Variants in ZNF140 observed in about 807,000 individuals in gnomAD.
ZNF140 encodes the protein zinc finger protein 140.
A neutral mutation model predicts 12.9 loss-of-function variants in ZNF140; 13 were observed. The ratio of observed to expected loss-of-function variants is 1.01; its 90% confidence interval spans 0.66 to 1.60. ZNF140 has a LOEUF of 1.60. Among genes scored for constraint, ZNF140 ranks in the 40% most tolerant of loss-of-function variants. The probability of loss-of-function intolerance (pLI) is 0.00; values close to 1 mark genes in which losing one functional copy is unlikely to be tolerated. For missense variants in ZNF140, 531 were observed against 548.8 expected (o/e 0.97, Z 0.32); for synonymous variants, 214 against 186.7 (o/e 1.15, Z -1.19).
chr12:133,091,168 A>C (rs1346093329), intron 4 of ZNF140, among the ~76,000 whole-genome samples: 2 of 150,170 alleles, frequency 1.3e-5, no homozygotes, highest in African/African-American at 4.9e-5. Context: ...GCCATATTTC[A>C]GACTCTCACA....
At chr12:133,098,277 C>A (rs924215496) in intron 4 of ZNF140, among the ~76,000 whole-genome samples, 4 of 152,160 alleles carry the variant, frequency 2.6e-5, no homozygotes, top group Non-Finnish European at 5.9e-5. Flanking sequence ...TGTTCTGTCA[C>A]CCAGGCTGGA....
At chr12:133,097,178 T>G (rs1313679472) in intron 4 of ZNF140, among the ~76,000 whole-genome samples, 1 of 152,238 alleles carries the variant, frequency 6.6e-6, no homozygotes, top group Non-Finnish European at 1.5e-5. Context: ...TTTCTTTTGA[T>G]AAGTGTTAGT....
intron 4 of ZNF140, among the ~76,000 whole-genome samples, chr12:133,083,810 A>G (rs892693595): frequency 5.9e-5 from 9 of 152,004 alleles, no homozygotes; most frequent in Admixed American, 5.9e-4. Flanking sequence ...ATACAAAAAA[A>G]TTTGCCGGGC....
chr12:133,093,131 T>A (rs1954949106), intron 4 of ZNF140, among the ~76,000 whole-genome samples: 1 of 151,266 alleles, frequency 6.6e-6, no homozygotes, highest in Admixed American at 6.6e-5. Flanking sequence ...AGGAGGATAA[T>A]GATACCCAAT....
chr12:133,106,511 C>T lies in ZNF140; in HGVS notation c.1234C>T (p.Pro412Ser), dbSNP rs535199777. ...TCAGAGAACTCATACTGGAGAGAAACCCTATGTATGTAAGGTATGCAACAA... is the reference window on the plus strand; with the variant it reads ...TCAGAGAACTCATACTGGAGAGAAATCCTATGTATGTAAGGTATGCAACAA... ...LHQRTHTGEKPYVCKVCNKSF... is the reference protein window; with the variant it reads ...LHQRTHTGEKSYVCKVCNKSF... The change falls in exon 5 of 5, where the codon CCC (proline) becomes TCC (serine). Residue 412 changes from proline (P) to serine (S), a missense_variant. Coordinates refer to ENST00000355557, the MANE Select transcript of ZNF140 (RefSeq NM_003440.4). The T allele has an allele frequency of 1.9e-6, 3 of 1,614,072 alleles. No homozygotes were observed. Among genetic ancestry groups the T allele is most frequent in the South Asian group, 1.1e-5 (1 of 91,084 alleles).
At chr12:133,101,276 T>C (rs1593796933) in intron 4 of ZNF140, among the ~76,000 whole-genome samples, 1 of 152,322 alleles carries the variant, frequency 6.6e-6, no homozygotes, top group East Asian at 1.9e-4. Context: ...CCTTCTTTTT[T>C]AGTATTTCTG....
In ZNF140 at chr12:133,106,687, A is replaced by AT. The variant is rs773874866; in HGVS notation, c.*42dup. 7 of 1,501,160 alleles carry AT rather than the reference A, an allele frequency of 4.7e-6. No homozygotes were observed. The highest frequency in any genetic ancestry group is 2.3e-5 in the East Asian group (1 of 44,274). The allele number at this position is 1,501,160 out of a possible 1,614,324, so 93.0% of individuals were successfully genotyped here. A position where few individuals can be genotyped will look rare whatever the true frequency, so the allele number is the denominator to read the frequency against. On this transcript the variant is annotated 3_prime_UTR_variant, in exon 5 of 5. Transcript: ENST00000355557. ...CAAAGAAAAACTATGAATGTATGGA[A>AT]TTTTTTAAAAAGAAGTATAATGCCT...
intron 3 of ZNF140, 96 bp from the exon 4 acceptor site, chr12:133,083,370 T>C: frequency 6.6e-7 from 1 of 1,509,354 alleles, no homozygotes; most frequent in Non-Finnish European, 8.9e-7. Context: ...GCACCTTATT[T>C]TTAGACATTT....
At chr12:133,086,746 A>G (rs1005257561) in intron 4 of ZNF140, among the ~76,000 whole-genome samples, 39 of 152,124 alleles carry the variant, frequency 2.6e-4, no homozygotes, top group Admixed American at 4.6e-4. Flanking sequence ...ACATCTTCCT[A>G]TATTTTCTTT....
At position 133,084,651 on chromosome 12, in the gene ZNF140, G is replaced by A. The variant is rs1954615321; in HGVS notation, c.232+1090G>A. 2.0e-5 allele frequency among the ~76,000 whole-genome samples: 3 copies of A among 152,342 alleles called. No homozygotes were observed. In the South Asian group the frequency reaches 6.2e-4, roughly 32 times the overall value. On this transcript the variant is annotated intron_variant, in intron 4 of 4. Transcript: ENST00000355557. ...TTCTGTAAGTTCTGTAAATTCTATA[G>A]TTGCTTCTATAGCACATGTTTAATG...
intron 1 of ZNF140, 49 bp from the exon 2 acceptor site, chr12:133,081,224 C>A: frequency 2.1e-6 from 2 of 934,102 alleles, no homozygotes; most frequent in South Asian, 1.4e-5. Context: ...GTGACTTGGG[C>A]GCGGCCTAGC....
Position 133,090,790 on chromosome 12 carries a change from A to C in ZNF140, c.232+7229A>C, listed in dbSNP as rs1000535529. On this transcript the variant is annotated intron_variant, in intron 4 of 4. Transcript: ENST00000355557. ...TGATAATAAGGAGAAGGTCAGCAAA[A>C]AACATGTGAGCAAAAGAATCTATAT... Among the ~76,000 whole-genome samples the C allele has an allele frequency of 2.9e-3, 413 of 140,010 alleles. 7 individuals are homozygous for C. Among genetic ancestry groups the C allele is most frequent in the African/African-American group, 0.01 (387 of 37,942 alleles). 91.9% of individuals were successfully genotyped at this position (140,010 alleles called of 152,430 possible). A position where few individuals can be genotyped will look rare whatever the true frequency, so the allele number is the denominator to read the frequency against.
At chr12:133,105,105 T>C (rs1262007155) in intron 4 of ZNF140, among the ~76,000 whole-genome samples, 1 of 152,226 alleles carries the variant, frequency 6.6e-6, no homozygotes, top group African/African-American at 2.4e-5. Context: ...CCAGAGGCAC[T>C]AAGTGAACAG....
intron 4 of ZNF140, among the ~76,000 whole-genome samples, chr12:133,105,133 CA>C (rs2137587830): frequency 6.6e-6 from 1 of 152,196 alleles, no homozygotes; most frequent in African/African-American, 2.4e-5. Context: ...TGTCTTTGTG[CA>C]ATCTGACGAA....
chr12:133,094,454 G>T (rs1158716554), intron 4 of ZNF140, among the ~76,000 whole-genome samples: 1 of 151,140 alleles, frequency 6.6e-6, no homozygotes, highest in African/African-American at 2.5e-5. Context: ...GCCCAGGTTG[G>T]AGAGGCCCCA....
chr12:133,100,991 CTGAAG>C (rs1365101755), intron 4 of ZNF140: 4 of 454,930 alleles, frequency 8.8e-6, no homozygotes, highest in Non-Finnish European at 1.8e-5. Context: ...ACAAAGGTAA[CTGAAG>C]TGGTGAAAAA....
rs1315282724 is a variant in ZNF140 at position 133,090,853 on chromosome 12, T to G, written c.232+7292T>G. ...TAAGGGAAGGTACTATGCCTAGATG[T>G]GCATGTAATCCAGATTTATGTTTCT... On this transcript the variant is annotated intron_variant, in intron 4 of 4. Coordinates refer to ENST00000355557, the MANE Select transcript of ZNF140 (RefSeq NM_003440.4). Among the ~76,000 whole-genome samples, 39 of 130,022 alleles carry G rather than the reference T, an allele frequency of 3.0e-4. 2 individuals are homozygous for G. Among genetic ancestry groups the G allele is most frequent in the Admixed American group, 6.3e-4 (8 of 12,718 alleles). The allele number at this position is 130,022 out of a possible 152,430, so 85.3% of individuals were successfully genotyped here. A position where few individuals can be genotyped will look rare whatever the true frequency, so the allele number is the denominator to read the frequency against.
rs1000504499 is a variant in ZNF140, at chr12:133,090,819, A to G, written c.232+7258A>G. On this transcript the variant is annotated intron_variant, in intron 4 of 4. Coordinates refer to ENST00000355557, the MANE Select transcript of ZNF140 (RefSeq NM_003440.4). ...ATGTGAGCAAAAGAATCTATATCAT[A>G]ATTAGGTTTAAGGGAAGGTACTATG... Among the ~76,000 whole-genome samples, 222 of 130,214 alleles carry G rather than the reference A, an allele frequency of 1.7e-3. 6 individuals carry two copies. Among genetic ancestry groups the G allele is most frequent in the Non-Finnish European group, 2.9e-3 (170 of 58,328 alleles). 85.4% of individuals were successfully genotyped at this position (130,214 alleles called of 152,430 possible).
At chr12:133,099,649 C>A (rs1593792575) in intron 4 of ZNF140, among the ~76,000 whole-genome samples, 1 of 152,148 alleles carries the variant, frequency 6.6e-6, no homozygotes, top group African/African-American at 2.4e-5. Flanking sequence ...TCCCAACACT[C>A]TTCTGTAACC....
Sources: gnomAD v4.1 joint callset for allele counts (sites outside exome capture counted in the v4.1 genomes callset) on GRCh38, gnomAD v4.1.1 for gene constraint, MANE v1.5 for transcripts, NCBI Gene and HGNC (gene_info 2026-07-23, HGNC 2026-07-21) for gene names.